The following HEATR5A variants were observed in gnomAD, a reference collection of about 807,000 sequenced individuals.
The protein encoded by HEATR5A is HEAT repeat containing 5A.
HEATR5A carries 178 observed loss-of-function variants against 218.8 expected under a neutral mutation model. The observed-to-expected ratio is 0.81, with a 90% CI of 0.72 to 0.92. HEATR5A has a LOEUF of 0.92. Among genes scored for constraint, HEATR5A ranks in the 40% least tolerant of loss-of-function variants. HEATR5A has a pLI of 0.00. For missense variants in HEATR5A, 2,420 were observed against 2,418.9 expected (o/e 1.00, Z -0.01); for synonymous variants, 864 against 871.6 (o/e 0.99, Z 0.15).
intron 22 of HEATR5A, among the ~76,000 whole-genome samples, chr14:31,332,686 GTTT>G (rs1187427697): frequency 6.6e-6 from 1 of 152,184 alleles, no homozygotes; most frequent in East Asian, 1.9e-4. Context: ...CACAGAGACA[GTTT>G]TAGTGATCTG....
chr14:31,362,776 T>C (rs1901667549), intron 14 of HEATR5A, among the ~76,000 whole-genome samples: 1 of 119,788 alleles, frequency 8.3e-6, no homozygotes, highest in East Asian at 2.0e-4. Context: ...AGGCCCCATC[T>C]CAAAAAAAAA....
At chr14:31,371,508 C>G in intron 13 of HEATR5A, 1 of 192,270 alleles carries the variant, frequency 5.2e-6, no homozygotes, top group Non-Finnish European at 1.1e-5. Flanking sequence ...GCATCTGGTT[C>G]TCACGAACAC....
At chr14:31,359,113 G>T in intron 14 of HEATR5A, 56 bp from the exon 15 acceptor site, 1 of 1,529,558 alleles carries the variant, frequency 6.5e-7, no homozygotes, top group South Asian at 1.3e-5. Context: ...GTGAGAGTAT[G>T]GGATTTAAAA....
chr14:31,351,668 T>TAG (rs1257248013), intron 16 of HEATR5A, among the ~76,000 whole-genome samples: 1 of 152,132 alleles, frequency 6.6e-6, no homozygotes, highest in Non-Finnish European at 1.5e-5. Context: ...TGGTTAGCTA[T>TAG]AGATGCCATC....
chr14:31,397,743 C>T (rs10136673), intron 4 of HEATR5A, among the ~76,000 whole-genome samples: 148,251 of 152,020 alleles, frequency 0.98, 72,375 homozygotes, highest in Middle Eastern at 1. Context: ...ACGACAGCCT[C>T]GAACTCCTGG....
intron 20 of HEATR5A, 100 bp downstream of exon 20, chr14:31,344,987 T>C (rs1335328860): frequency 6.3e-6 from 6 of 946,424 alleles, no homozygotes; most frequent in Middle Eastern, 4.4e-4. Flanking sequence ...TAACAAAACA[T>C]ACAGCACCTA....
intron 17 of HEATR5A, 33 bp downstream of exon 17, chr14:31,350,579 A>C (rs1901187334): frequency 1.7e-6 from 2 of 1,203,248 alleles, no homozygotes; most frequent in Non-Finnish European, 2.4e-6. Flanking sequence ...TAAAAAATGA[A>C]GCCAACATTT....
chr14:31,301,881 G>GAC (rs1332260012), intron 33 of HEATR5A, among the ~76,000 whole-genome samples: 1 of 135,196 alleles, frequency 7.4e-6, no homozygotes, highest in Admixed American at 8.4e-5. Context: ...GCAATGGCGT[G>GAC]ATCTTGGCTC....
chr14:31,320,100 C>CTTTA (rs578252611), intron 25 of HEATR5A: 54 of 220,408 alleles, frequency 2.4e-4, no homozygotes, highest in Non-Finnish European at 3.4e-4. Context: ...GAAAATTAAC[C>CTTTA]TTTATTTATT....
intron 21 of HEATR5A, among the ~76,000 whole-genome samples, chr14:31,341,550 C>T (rs1314156309): frequency 1.3e-5 from 2 of 152,036 alleles, no homozygotes; most frequent in African/African-American, 4.8e-5. Flanking sequence ...TGCACACCAC[C>T]ATGCCCGGAT....
At position 31,313,206 on chromosome 14, in the gene HEATR5A, T is replaced by G. The variant is rs537013976; in HGVS notation, c.4219-16A>C. ...TTATGTAGACCTGTTAAAGGTTAAT[T>G]TAAAAACAGGAAAATCTTTTATCTG... On this transcript the variant is annotated splice_polypyrimidine_tract_variant and intron_variant, in intron 27 of 35. Coordinates refer to ENST00000543095, the MANE Select transcript of HEATR5A (RefSeq NM_015473.4). 2 of 1,572,750 alleles carry G rather than the reference T, an allele frequency of 1.3e-6. No homozygotes were observed. Among genetic ancestry groups the G allele is most frequent in the South Asian group, 1.1e-5 (1 of 87,784 alleles).
chr14:31,302,441 C>T lies in HEATR5A; in HGVS notation c.5318G>A (p.Gly1773Asp), dbSNP rs983114141. Reference sequence around the variant, plus strand: ...AGCTGCAACTGTCGAAGATAACTGGCCCCCAGGTAACTTCACAGCAGTCTC... The same window carrying T: ...AGCTGCAACTGTCGAAGATAACTGGTCCCCAGGTAACTTCACAGCAGTCTC... Reference protein sequence around the residue: ...LRETAVKLPGGQLSSTVAASL... With the variant: ...LRETAVKLPGDQLSSTVAASL... The change falls in exon 33 of 36, where the codon GGC becomes GAC. Residue 1773 changes from glycine to aspartate, a missense_variant. Gly to Asp is a moderately conservative substitution (Grantham distance 94). Coordinates refer to ENST00000543095, the MANE Select transcript of HEATR5A (RefSeq NM_015473.4). The T allele has an allele frequency of 1.3e-6, 2 of 1,597,760 alleles. No homozygotes were observed.
chr14:31,332,435 T>C (rs1900504376), intron 22 of HEATR5A, among the ~76,000 whole-genome samples: 1 of 152,188 alleles, frequency 6.6e-6, no homozygotes, highest in South Asian at 2.1e-4. Context: ...AACACCGCAA[T>C]GGCCTTGCAG....
Position 31,379,350 on chromosome 14 carries a change from A to C in HEATR5A, c.1708+1117T>G, listed in dbSNP as rs183349200. 2.0e-5 allele frequency among the ~76,000 whole-genome samples: 3 copies of C among 152,192 alleles called. No homozygotes were observed. In the East Asian group the frequency reaches 5.8e-4, roughly 29 times the overall value. ...ACTGCAACCTCCACCTCCTGGGTTC[A>C]AGCAATTCTCCTGCCTCAGCTTCCC... is the stretch of plus-strand genomic sequence containing the variant. On this transcript the variant is annotated intron_variant, in intron 11 of 35. Coordinates refer to ENST00000543095, the MANE Select transcript of HEATR5A (RefSeq NM_015473.4).
At chr14:31,294,677 C>T (rs1472874577) in intron 34 of HEATR5A, among the ~76,000 whole-genome samples, 1 of 152,012 alleles carries the variant, frequency 6.6e-6, no homozygotes, top group Non-Finnish European at 1.5e-5. Context: ...TCCCGAAGTG[C>T]TGGGATTACA....
intron 28 of HEATR5A, among the ~76,000 whole-genome samples, chr14:31,310,292 C>G (rs143289347): frequency 2.3e-4 from 35 of 152,316 alleles, no homozygotes; most frequent in African/African-American, 7.9e-4. Context: ...ACCTCAGCCT[C>G]CTGAGTAGCT....
intron 25 of HEATR5A, 30 bp downstream of exon 25, chr14:31,321,469 T>C: frequency 6.6e-7 from 1 of 1,514,096 alleles, no homozygotes; most frequent in Non-Finnish European, 8.9e-7. Flanking sequence ...GTGTGTTTAA[T>C]AATAAAATTC....
intron 25 of HEATR5A, among the ~76,000 whole-genome samples, chr14:31,319,914 C>T (rs1900034926): frequency 6.6e-6 from 1 of 151,896 alleles, no homozygotes; most frequent in Non-Finnish European, 1.5e-5. Context: ...AGCGTGGTGG[C>T]GTGTGGCTGT....
chr14:31,400,032 T>C (rs1002408362), intron 3 of HEATR5A, among the ~76,000 whole-genome samples: 2 of 152,222 alleles, frequency 1.3e-5, no homozygotes, highest in African/African-American at 4.8e-5. Flanking sequence ...GAATTTAAAA[T>C]ATCTTTCTTA....
Sources: gnomAD v4.1 joint callset for allele counts (sites outside exome capture counted in the v4.1 genomes callset) on GRCh38, gnomAD v4.1.1 for gene constraint, MANE v1.5 for transcripts, NCBI Gene and HGNC (gene_info 2026-07-23, HGNC 2026-07-21) for gene names.